ALPL: variants seen among roughly 807,000 people sequenced by gnomAD.
ALPL encodes the protein alkaline phosphatase, tissue-nonspecific isozyme.
A neutral mutation model predicts 51.3 loss-of-function variants in ALPL; 42 were observed. The ratio of observed to expected loss-of-function variants is 0.82; its 90% CI spans 0.64 to 1.06. The LOEUF is 1.06. ALPL is among the 50% of genes least tolerant of loss of function. ALPL has a pLI of 0.00. For missense variants in ALPL, 589 were observed against 709.4 expected (o/e 0.83, Z 1.93); for synonymous variants, 279 against 296.4 (o/e 0.94, Z 0.60).
intron 1 of ALPL, among the ~76,000 whole-genome samples, chr1:21,516,444 C>T (rs1483770903): frequency 3.9e-5 from 6 of 152,196 alleles, no homozygotes; most frequent in Non-Finnish European, 2.9e-5. Flanking sequence ...CCAACATGCA[C>T]GTACTAGGCA....
At chr1:21,540,586 G>A (rs559146954) in intron 1 of ALPL, among the ~76,000 whole-genome samples, 31 of 152,322 alleles carry the variant, frequency 2.0e-4, no homozygotes, top group East Asian at 3.9e-4. Context: ...CCACCAGGCC[G>A]TGCTTGGGGA....
At chr1:21,514,577 G>A (rs1262786987) in intron 1 of ALPL, among the ~76,000 whole-genome samples, 1 of 152,150 alleles carries the variant, frequency 6.6e-6, no homozygotes, top group Non-Finnish European at 1.5e-5. Flanking sequence ...TAGCACAGGA[G>A]GCTGTGAAGC....
At chr1:21,547,441 C>T (rs921369005) in intron 1 of ALPL, among the ~76,000 whole-genome samples, 23 of 152,198 alleles carry the variant, frequency 1.5e-4, no homozygotes, top group African/African-American at 5.3e-4. Context: ...GTGGTCCTCA[C>T]GGTGGCCCTC....
chr1:21,570,266 C>G, intron 7 of ALPL, 39 bp from the exon 8 acceptor site: 1 of 1,604,680 alleles, frequency 6.2e-7, no homozygotes, highest in Non-Finnish European at 8.5e-7. Context: ...CCGACTCTCC[C>G]TAGCCCCCGG....
chr1:21,558,797 G>A (rs1443643978), intron 2 of ALPL, among the ~76,000 whole-genome samples: 1 of 152,216 alleles, frequency 6.6e-6, no homozygotes, highest in East Asian at 1.9e-4. Context: ...TCCAAAGCTA[G>A]AGGTGCACTG....
Position 21,561,213 on chromosome 1 carries a change from G to T in ALPL, c.297+1G>T. The T allele has an allele frequency of 6.2e-7, 1 of 1,603,834 alleles. No homozygotes were observed. Among genetic ancestry groups the T allele is most frequent in the Non-Finnish European group, 8.5e-7 (1 of 1,175,074 alleles). On this transcript the variant is annotated splice_donor_variant, in intron 4 of 11. Transcript: ENST00000374840. LOFTEE classifies it high-confidence loss of function. The stretch of plus-strand genomic sequence containing the variant: ...GTTCCCCTTCGTGGCCCTCTCCAAG[G>T]TGAGCCCCATCCCCAAGCCCAGTTC...
intron 1 of ALPL, among the ~76,000 whole-genome samples, chr1:21,534,999 A>G (rs897726518): frequency 6.6e-6 from 1 of 151,806 alleles, no homozygotes; most frequent in Non-Finnish European, 1.5e-5. Context: ...GCTTTTACTT[A>G]CTTCCTTGTT....
intron 6 of ALPL, among the ~76,000 whole-genome samples, chr1:21,566,356 T>A (rs1026341664): frequency 6.6e-6 from 1 of 152,212 alleles, no homozygotes; most frequent in Non-Finnish European, 1.5e-5. Context: ...CGATCTTGGC[T>A]CACTGCAGCC....
At position 21,577,731 on chromosome 1, in the gene ALPL, T is replaced by TG. The variant is rs1644762645; in HGVS notation, c.*88dup. 2 of 1,513,048 alleles carry TG rather than the reference T, an allele frequency of 1.3e-6. No individual in the cohort carries two copies. The highest frequency in any genetic ancestry group is 2.4e-5 in the East Asian group (1 of 41,020). The allele number at this position is 1,513,048 out of a possible 1,614,324, so 93.7% of individuals were successfully genotyped here. On this transcript the variant is annotated 3_prime_UTR_variant, in exon 12 of 12. Coordinates refer to ENST00000374840, the MANE Select transcript of ALPL (RefSeq NM_000478.6). ...GCCCCCCCCTCAAGGGGCAGGGAGG[T>TG]GGGGGCCTCCTCAGCCTCTGCAACT...
chr1:21,550,571 A>G (rs1644307702), intron 1 of ALPL, among the ~76,000 whole-genome samples: 1 of 152,128 alleles, frequency 6.6e-6, no homozygotes, highest in Admixed American at 6.5e-5. Context: ...TTTTATTGAA[A>G]TAAAATGCAC....
intron 1 of ALPL, among the ~76,000 whole-genome samples, chr1:21,536,288 G>C (rs1318985403): frequency 6.6e-6 from 1 of 152,224 alleles, no homozygotes; most frequent in Non-Finnish European, 1.5e-5. Context: ...GTCAGCTTTA[G>C]CTTGTTTGCA....
chr1:21,537,889 G>A (rs1170686504), intron 1 of ALPL, among the ~76,000 whole-genome samples: 1 of 152,212 alleles, frequency 6.6e-6, no homozygotes, highest in Admixed American at 6.5e-5. Context: ...CCGGCGCGTA[G>A]TAGTTGCTCC....
In ALPL at chr1:21,573,684, C is replaced by T. The variant is rs1366524140; in HGVS notation, c.882C>T (p.Asp294=). ...DYLLGLFEPG[D]MQYELNRNNV... is the part of the protein sequence containing the mutation. ...CCTCAGGTCTCTTCGAGCCAGGGGA[C>T]ATGCAGTACGAGCTGAACAGGAACA... The change falls in exon 9 of 12, where the codon GAC becomes GAT. Residue 294 remains aspartate (D), a synonymous_variant. Coordinates refer to ENST00000374840, the MANE Select transcript of ALPL (RefSeq NM_000478.6). 23 of 1,613,882 alleles carry T rather than the reference C, an allele frequency of 1.4e-5. No homozygotes were observed. The highest frequency in any genetic ancestry group is 8.5e-6 in the Non-Finnish European group (10 of 1,180,000).
Position 21,577,647 on chromosome 1 carries a change from G to A in ALPL, c.1574G>A (p.Ter525=), listed in dbSNP as rs1644760126. ...CTCTACCCCCTGAGCGTCCTGTTCT[G>A]AGGGCCCAGGGCCCGGGCACCCACA... ...LALYPLSVLF[*] The change falls in exon 12 of 12, where the codon TGA becomes TAA. Residue 525 remains the stop codon, a stop_retained_variant. Coordinates refer to ENST00000374840, the MANE Select transcript of ALPL (RefSeq NM_000478.6). 1.3e-6 allele frequency: 2 copies of A among 1,595,140 alleles called. No individual in the cohort carries two copies. The highest frequency in any genetic ancestry group is 2.2e-5 in the South Asian group (2 of 90,500).
chr1:21,531,267 A>AT (rs1229567936), intron 1 of ALPL, among the ~76,000 whole-genome samples: 6 of 151,576 alleles, frequency 4.0e-5, no homozygotes, highest in Non-Finnish European at 5.9e-5. Context: ...CAATTTTTTG[A>AT]TTTTTTTGTA....
intron 7 of ALPL, among the ~76,000 whole-genome samples, chr1:21,569,576 G>C (rs16825590): frequency 1.3e-4 from 20 of 151,918 alleles, no homozygotes; most frequent in Non-Finnish European, 2.2e-4. Flanking sequence ...GGCTGGGAGG[G>C]GGGGTGCGGA....
intron 11 of ALPL, 114 bp downstream of exon 11, chr1:21,576,755 T>C: frequency 7.1e-7 from 1 of 1,417,870 alleles, no homozygotes; most frequent in Non-Finnish European, 9.8e-7. Context: ...GACTGGGGCT[T>C]GAGTCCCAGT....
chr1:21,516,118 G>A (rs1643795255), intron 1 of ALPL, among the ~76,000 whole-genome samples: 1 of 152,116 alleles, frequency 6.6e-6, no homozygotes, highest in African/African-American at 2.4e-5. Flanking sequence ...GGGCTCAAGT[G>A]ATCCTCCCAC....
At chr1:21,527,329 G>A (rs1643961409) in intron 1 of ALPL, among the ~76,000 whole-genome samples, 1 of 152,064 alleles carries the variant, frequency 6.6e-6, no homozygotes, top group Non-Finnish European at 1.5e-5. Context: ...ACCACGCCCG[G>A]CCCTTCTTGT....
Sources: allele counts gnomAD v4.1 joint callset (sites outside exome capture counted in the v4.1 genomes callset), GRCh38; gene constraint gnomAD v4.1.1; transcripts MANE v1.5; gene names NCBI Gene and HGNC (gene_info 2026-07-23, HGNC 2026-07-21).